The following UGGT2 variants were observed in gnomAD, a reference collection of about 807,000 sequenced individuals.
UGGT2 encodes UDP-glucose:glycoprotein glucosyltransferase 2.
A neutral mutation model predicts 192.1 loss-of-function variants in UGGT2; 180 were observed. The observed-to-expected ratio is 0.94, with a 90% CI of 0.83 to 1.06. The LOEUF (loss-of-function observed/expected upper bound fraction) is 1.06, where lower values mean the gene tolerates loss of function less well. UGGT2 is among the 50% of genes least tolerant of loss of function. The probability of loss-of-function intolerance (pLI) is 0.00; values close to 1 mark genes in which losing one functional copy is unlikely to be tolerated. For missense variants in UGGT2, 1,849 were observed against 1,795.7 expected (o/e 1.03, Z -0.54); for synonymous variants, 580 against 591.0 (o/e 0.98, Z 0.27).
intron 38 of UGGT2, among the ~76,000 whole-genome samples, chr13:95,812,107 A>G (rs539898139): frequency 7.2e-5 from 11 of 152,318 alleles, no homozygotes; most frequent in African/African-American, 2.4e-4. Flanking sequence ...GGACTGTGTA[A>G]TCTCCACCAA....
chr13:95,936,738 C>A (rs1489751904), intron 17 of UGGT2, among the ~76,000 whole-genome samples, 186 bp downstream of exon 17: 1 of 152,228 alleles, frequency 6.6e-6, no homozygotes, highest in Non-Finnish European at 1.5e-5. Context: ...GGCCCCACTG[C>A]ACCACAGTCT....
intron 7 of UGGT2, chr13:95,995,814 C>A: frequency 2.3e-6 from 1 of 443,454 alleles, no homozygotes; most frequent in Non-Finnish European, 4.0e-6. Context: ...TACTGTACAC[C>A]AAAACATTAT....
intron 36 of UGGT2, 111 bp from the exon 37 acceptor site, chr13:95,837,313 C>A (rs1887402035): frequency 1.4e-6 from 1 of 737,396 alleles, no homozygotes; most frequent in Non-Finnish European, 2.4e-6. Flanking sequence ...AAAACATATG[C>A]AAATCTGAGA....
intron 22 of UGGT2, 115 bp from the exon 23 acceptor site, chr13:95,895,419 A>T (rs2047919470): frequency 4.8e-6 from 3 of 629,224 alleles, no homozygotes; most frequent in Middle Eastern, 4.8e-4. Context: ...TTAGAGATTA[A>T]AGATATGGTA....
At chr13:95,998,874 A>G (rs529392152) in intron 6 of UGGT2, among the ~76,000 whole-genome samples, 2 of 152,272 alleles carry the variant, frequency 1.3e-5, no homozygotes, top group South Asian at 2.1e-4. Flanking sequence ...TGCCTATGCC[A>G]GTCACCTCTA....
chr13:95,872,925 A>G (rs765413756), intron 29 of UGGT2, among the ~76,000 whole-genome samples: 1 of 152,220 alleles, frequency 6.6e-6, no homozygotes, highest in Non-Finnish European at 1.5e-5. Context: ...ATATTCTACA[A>G]TGATTTTCCC....
intron 37 of UGGT2, among the ~76,000 whole-genome samples, chr13:95,834,628 T>C (rs893732590): frequency 2.6e-5 from 4 of 152,198 alleles, no homozygotes; most frequent in African/African-American, 4.8e-5. Context: ...AAGAATAGCA[T>C]GTTCTCTCAT....
At chr13:95,859,816 T>C (rs1889988039) in intron 32 of UGGT2, 141 bp from the exon 33 acceptor site, 2 of 557,100 alleles carry the variant, frequency 3.6e-6, no homozygotes, top group East Asian at 6.4e-5. Flanking sequence ...GTGCAGAACA[T>C]ACAGGTTTGT....
intron 33 of UGGT2, among the ~76,000 whole-genome samples, chr13:95,857,344 A>G (rs921436165): frequency 1.3e-5 from 2 of 152,188 alleles, no homozygotes; most frequent in African/African-American, 4.8e-5. Context: ...AGGGTACATT[A>G]GTGAACAAAA....
intron 4 of UGGT2, among the ~76,000 whole-genome samples, chr13:96,021,908 A>G (rs2052525009): frequency 6.6e-6 from 1 of 152,164 alleles, no homozygotes. Flanking sequence ...TACTTTTAAC[A>G]TAATTCTAAT....
intron 12 of UGGT2, among the ~76,000 whole-genome samples, chr13:95,952,044 C>A (rs554200956): frequency 7.1e-6 from 1 of 141,288 alleles, no homozygotes; most frequent in African/African-American, 2.6e-5. Context: ...GGCAATAGAG[C>A]GAGACTGTCT....
chr13:95,875,297 T>C (rs1045227802), intron 29 of UGGT2, among the ~76,000 whole-genome samples: 1 of 152,210 alleles, frequency 6.6e-6, no homozygotes, highest in African/African-American at 2.4e-5. Context: ...TGTTCTAATA[T>C]TGAGTTCTGA....
chr13:96,032,329 T>C (rs1251343933), intron 1 of UGGT2, among the ~76,000 whole-genome samples: 1 of 151,978 alleles, frequency 6.6e-6, no homozygotes, highest in Admixed American at 6.6e-5. Context: ...GAACATTATA[T>C]AAAGGTAAAA....
At chr13:95,844,244 G>C (rs1013272088) in intron 36 of UGGT2, among the ~76,000 whole-genome samples, 1 of 152,184 alleles carries the variant, frequency 6.6e-6, no homozygotes, top group Non-Finnish European at 1.5e-5. Context: ...TTACAGGCGT[G>C]AGCCACCACG....
chr13:95,828,444 G>C lies in UGGT2; in HGVS notation c.4528+4483C>G, dbSNP rs753740449. On this transcript the variant is annotated intron_variant, in intron 38 of 38. Transcript: ENST00000376747. ...GCTAGCAAGGCTAATGAAGAAAGGA[G>C]AGAAGAATCAAATAGATGCAATAAA... 4.6e-5 allele frequency among the ~76,000 whole-genome samples: 7 copies of C among 152,132 alleles called. No homozygotes were observed. In the East Asian group the frequency reaches 1.2e-3, roughly 25 times the overall value.
At chr13:95,888,994 T>C (rs927217842) in intron 25 of UGGT2, among the ~76,000 whole-genome samples, 16 of 152,220 alleles carry the variant, frequency 1.1e-4, no homozygotes, top group African/African-American at 3.6e-4. Context: ...ATTTATTTTT[T>C]ATTTTTTTAG....
At chr13:95,845,240 G>C (rs888149853) in intron 36 of UGGT2, among the ~76,000 whole-genome samples, 1 of 151,460 alleles carries the variant, frequency 6.6e-6, no homozygotes. Flanking sequence ...GATTTGGCGG[G>C]GTCATAGGAC....
chr13:95,896,235 T>C (rs1007419577), intron 22 of UGGT2, among the ~76,000 whole-genome samples: 1 of 152,138 alleles, frequency 6.6e-6, no homozygotes, highest in Admixed American at 6.6e-5. Context: ...CTACAGTTCA[T>C]CTTTTCTAAA....
chr13:95,920,266 A>C (rs1270850438), intron 20 of UGGT2, among the ~76,000 whole-genome samples: 1 of 152,218 alleles, frequency 6.6e-6, no homozygotes, highest in Non-Finnish European at 1.5e-5. Context: ...AGGCAATACT[A>C]TTCAGGATGT....
Sources: gnomAD v4.1 joint callset for allele counts (sites outside exome capture counted in the v4.1 genomes callset) on GRCh38, gnomAD v4.1.1 for gene constraint, MANE v1.5 for transcripts, NCBI Gene and HGNC (gene_info 2026-07-23, HGNC 2026-07-21) for gene names.